Variants in MAP3K7 observed in about 807,000 individuals in gnomAD.
MAP3K7 encodes mitogen-activated protein kinase kinase kinase 7, also known as TGF-beta activated kinase 1.
MAP3K7 carries 21 observed loss-of-function variants against 84.8 expected under a neutral mutation model. That is an observed-to-expected ratio of 0.25 (90% CI 0.18 to 0.36). The LOEUF is 0.36. Ranked by LOEUF, MAP3K7 falls within the 10% of genes least tolerant of loss-of-function variation. The probability of loss-of-function intolerance (pLI) is 1.00; values close to 1 mark genes in which losing one functional copy is unlikely to be tolerated. For missense variants in MAP3K7, 503 were observed against 747.7 expected (o/e 0.67, Z 3.82); for synonymous variants, 241 against 247.7 (o/e 0.97, Z 0.25).
At position 90,524,238 on chromosome 6, in the gene MAP3K7, G is replaced by GA. The variant is rs904079553; in HGVS notation, c.1357-456dup. 6.8e-4 allele frequency among the ~76,000 whole-genome samples: 101 copies of GA among 149,168 alleles called. No homozygotes were observed. The Middle Eastern group carries it at 0.01, about 15-fold the overall frequency. On this transcript the variant is annotated intron_variant, in intron 13 of 16. Coordinates refer to ENST00000369329, the MANE Select transcript of MAP3K7 (RefSeq NM_145331.3). ...CTCAGAGAAAAGGTCACTCAACTAG[G>GA]AAAAAAAAAATCTGACCTACAAAAG...
At chr6:90,564,470 A>G (rs1446191145) in intron 3 of MAP3K7, among the ~76,000 whole-genome samples, 1 of 151,994 alleles carries the variant, frequency 6.6e-6, no homozygotes, top group Non-Finnish European at 1.5e-5. Flanking sequence ...AAAGAGACAA[A>G]GAAGGCCATT....
In MAP3K7 at chr6:90,515,931, C is replaced by T. The variant is rs1238509982; in HGVS notation, c.*570G>A. 2.0e-5 allele frequency: 3 copies of T among 152,434 alleles called. No homozygotes were observed. Among genetic ancestry groups the T allele is most frequent in the African/African-American group, 7.2e-5 (3 of 41,388 alleles). The allele number at this position is 152,434 out of a possible 1,614,324, so 9.4% of individuals were successfully genotyped here. On this transcript the variant is annotated 3_prime_UTR_variant, in exon 17 of 17. Coordinates refer to ENST00000369329, the MANE Select transcript of MAP3K7 (RefSeq NM_145331.3). ...ACCTTTACATATTTTACGGATGGAA[C>T]TGAGTTCAGTACTGATCCAAGGATG...
intron 7 of MAP3K7, among the ~76,000 whole-genome samples, 177 bp downstream of exon 7, chr6:90,553,281 T>G (rs1776237010): frequency 6.6e-6 from 1 of 152,180 alleles, no homozygotes; most frequent in African/African-American, 2.4e-5. Context: ...AATCCTGCTC[T>G]GCTGGACTCT....
chr6:90,531,070 G>A (rs560696685), intron 13 of MAP3K7, among the ~76,000 whole-genome samples: 5 of 152,214 alleles, frequency 3.3e-5, no homozygotes, highest in East Asian at 1.9e-4. Context: ...GTATAGAAAC[G>A]TGACACAGCA....
rs368108126 is a variant in MAP3K7, at chr6:90,587,015, G to A, written c.-132C>T. On this transcript the variant is annotated 5_prime_UTR_variant, in exon 1 of 17. Coordinates refer to ENST00000369329, the MANE Select transcript of MAP3K7 (RefSeq NM_145331.3). ...GTCCTACTACCCGGCGATCCGTGGC[G>A]GGGGTAGAGGCAGCGGCCACAGCCG... 3.6e-6 allele frequency: 4 copies of A among 1,125,064 alleles called. No individual in the cohort carries two copies. Among genetic ancestry groups the A allele is most frequent in the East Asian group, 3.2e-5 (1 of 31,170 alleles). The allele number at this position is 1,125,064 out of a possible 1,614,324, so 69.7% of individuals were successfully genotyped here.
chr6:90,564,099 AG>A (rs1776617101), intron 3 of MAP3K7, among the ~76,000 whole-genome samples: 1 of 152,246 alleles, frequency 6.6e-6, no homozygotes, highest in South Asian at 2.1e-4. Flanking sequence ...AACCGGTACC[AG>A]CCATTGCAAA....
At chr6:90,565,228 CAG>C (rs1776662051) in intron 3 of MAP3K7, among the ~76,000 whole-genome samples, 1 of 151,510 alleles carries the variant, frequency 6.6e-6, no homozygotes, top group African/African-American at 2.4e-5. Context: ...CTGAAGGAGA[CAG>C]AGACACAACA....
rs1776085290 is a variant in MAP3K7 at position 90,548,740 on chromosome 6, A to T, written c.950-563T>A. 4.0e-5 allele frequency among the ~76,000 whole-genome samples: 6 copies of T among 151,244 alleles called. No homozygotes were observed. The South Asian group carries it at 1.3e-3, about 32-fold the overall frequency. On this transcript the variant is annotated intron_variant, in intron 9 of 16. Transcript: ENST00000369329. ...TAGGTTGGGGAGATGAGGAATAACC[A>T]GCAAAGAAAACTGAGAACAGACGGC...
chr6:90,578,466 G>C (rs1178018914), intron 1 of MAP3K7, among the ~76,000 whole-genome samples: 1 of 152,044 alleles, frequency 6.6e-6, no homozygotes, highest in African/African-American at 2.4e-5. Flanking sequence ...GTAGAGTCGG[G>C]GTTTTGCCAT....
At chr6:90,558,321 C>CA (rs1179378648) in intron 5 of MAP3K7, among the ~76,000 whole-genome samples, 7 of 149,744 alleles carry the variant, frequency 4.7e-5, no homozygotes, top group Non-Finnish European at 8.9e-5. Flanking sequence ...GACTGTGTCT[C>CA]AAAATAAAAA....
intron 1 of MAP3K7, among the ~76,000 whole-genome samples, chr6:90,579,620 A>C (rs1294670419): frequency 6.6e-6 from 1 of 152,150 alleles, no homozygotes; most frequent in Non-Finnish European, 1.5e-5. Context: ...TCAGTCCCTC[A>C]CTTGTGTATA....
At chr6:90,576,809 A>T (rs1777099161) in intron 1 of MAP3K7, among the ~76,000 whole-genome samples, 1 of 152,154 alleles carries the variant, frequency 6.6e-6, no homozygotes, top group Non-Finnish European at 1.5e-5. Flanking sequence ...TTAGAGAAAT[A>T]CTTGGGAGTG....
At chr6:90,565,891 T>C (rs909854467) in intron 3 of MAP3K7, among the ~76,000 whole-genome samples, 9 of 152,054 alleles carry the variant, frequency 5.9e-5, no homozygotes, top group African/African-American at 2.2e-4. Flanking sequence ...CATCCCTGGG[T>C]TGCAAGGCTG....
chr6:90,586,826 C>G lies in MAP3K7; in HGVS notation c.58G>C (p.Glu20Gln), dbSNP rs1243505437. Residue 20 changes from glutamate to glutamine, a missense_variant, in exon 1 of 17, where the codon GAA becomes CAA. Physicochemically the swap from Glu to Gln is conservative, Grantham distance 29 (BLOSUM62 2). This residue lies in a region of MAP3K7 where 41 missense variants were observed against 41.4 expected (regional missense o/e 0.99). Coordinates refer to ENST00000369329, the MANE Select transcript of MAP3K7 (RefSeq NM_145331.3). The part of the protein sequence containing the change: ...SSSSSAGEMI[E>Q]APSQVLNFEE... The stretch of plus-strand genomic sequence containing the variant: ...AAGTTGAGGACCTGGGAAGGGGCTT[C>G]GATCATCTCACCGGCCGAAGACGAG... The G allele has an allele frequency of 6.2e-7, 1 of 1,610,766 alleles. No homozygotes were observed. The highest frequency in any genetic ancestry group is 8.5e-7 in the Non-Finnish European group (1 of 1,178,434).
chr6:90,529,690 G>A (rs1775437642), intron 13 of MAP3K7, among the ~76,000 whole-genome samples: 1 of 152,142 alleles, frequency 6.6e-6, no homozygotes, highest in Non-Finnish European at 1.5e-5. Context: ...CTTCACACGA[G>A]ATTTTTTTCT....
At chr6:90,586,684 G>A (rs1777470168) in intron 1 of MAP3K7, 80 bp downstream of exon 1, 12 of 1,513,640 alleles carry the variant, frequency 7.9e-6, no homozygotes, top group South Asian at 1.2e-5. Flanking sequence ...GGCCCCGGGA[G>A]GCACCTTCAG....
rs940022825 is a variant in MAP3K7 at position 90,515,867 on chromosome 6, C to T, written c.*634G>A. On this transcript the variant is annotated 3_prime_UTR_variant, in exon 17 of 17. Transcript: ENST00000369329. ...AATCAAATTTTAGTCTAACAAAATC[C>T]GGTAAAACTGCTTTCATTAAATAGA... 16 of 152,396 alleles carry T rather than the reference C, an allele frequency of 1.0e-4. No homozygotes were observed. The highest frequency in any genetic ancestry group is 4.1e-4 in the South Asian group (2 of 4,822). The allele number at this position is 152,396 out of a possible 1,614,324, so 9.4% of individuals were successfully genotyped here.
intron 3 of MAP3K7, among the ~76,000 whole-genome samples, chr6:90,566,847 A>G (rs1776722610): frequency 1.3e-5 from 2 of 152,174 alleles, no homozygotes; most frequent in South Asian, 4.1e-4. Flanking sequence ...ACAGCACGGT[A>G]CTGGTACCAA....
chr6:90,575,386 A>G (rs183083334), intron 1 of MAP3K7, among the ~76,000 whole-genome samples: 9 of 152,194 alleles, frequency 5.9e-5, no homozygotes, highest in Admixed American at 5.9e-4. Flanking sequence ...AGCAAAAAAG[A>G]CTCATACCCT....
Sources: allele counts gnomAD v4.1 joint callset (sites outside exome capture counted in the v4.1 genomes callset), GRCh38; gene constraint gnomAD v4.1.1; regional missense constraint gnomAD v4.1.1; transcripts MANE v1.5; gene names NCBI Gene and HGNC (gene_info 2026-07-23, HGNC 2026-07-21).